Variants in ANXA6 observed in about 807,000 individuals in gnomAD.
The protein encoded by ANXA6 is 67 kDa calelectrin.
A neutral mutation model predicts 95.4 loss-of-function variants in ANXA6; 71 were observed. The observed-to-expected ratio is 0.74, with a 90% CI of 0.61 to 0.91. The LOEUF (loss-of-function observed/expected upper bound fraction) is 0.91. Ranked by LOEUF, ANXA6 falls within the 40% of genes least tolerant of loss-of-function variation. ANXA6 has a pLI of 0.00. For missense variants in ANXA6, 830 were observed against 876.4 expected, an observed-to-expected ratio of 0.95 and a Z score of 0.67; for synonymous variants, 289 against 315.9, an observed-to-expected ratio of 0.91 and a Z score of 0.90.
chr5:151,126,560 A>G (rs866086781), intron 13 of ANXA6, 80 bp from the exon 14 acceptor site: 2 of 968,318 alleles, frequency 2.1e-6, no homozygotes, highest in African/African-American at 3.4e-5. Context: ...ACACACACAC[A>G]CACACACACA....
intron 15 of ANXA6, among the ~76,000 whole-genome samples, chr5:151,124,044 C>T (rs1385057986): frequency 6.6e-6 from 1 of 152,212 alleles, no homozygotes; most frequent in African/African-American, 2.4e-5. Flanking sequence ...CAGGATACTG[C>T]TTCCAGGAGG....
Position 151,101,341 on chromosome 5 carries a change from CA to C in ANXA6, c.*106del. The stretch of plus-strand genomic sequence containing the variant: ...AAGAGCCCAACCCAACCCCTCCCCC[CA>C]CCCCTGCCCCTTCCTTAGTCTCTGG... On this transcript the variant is annotated 3_prime_UTR_variant, in exon 26 of 26. Transcript: ENST00000354546. 2.9e-5 allele frequency: 11 copies of C among 378,746 alleles called. No individual in the cohort carries two copies. The highest frequency in any genetic ancestry group is 1.0e-4 in the Admixed American group (3 of 29,774). 23.5% of individuals were successfully genotyped at this position (378,746 alleles called of 1,614,324 possible). A position where few individuals can be genotyped will look rare whatever the true frequency, so the allele number is the denominator to read the frequency against.
rs147048553 is a variant in ANXA6, at chr5:151,132,575, C to T, written c.641-4G>A. The T allele has an allele frequency of 3.5e-4, 569 of 1,611,224 alleles. 5 individuals are homozygous for T. The East Asian group carries it at 0.011, about 32-fold the overall frequency. On this transcript the variant is annotated splice_region_variant and splice_polypyrimidine_tract_variant and intron_variant, in intron 9 of 25. Coordinates refer to ENST00000354546, the MANE Select transcript of ANXA6 (RefSeq NM_001155.5). ...GTCTTCAGATACTCATCGAACACTG[C>T]GTCAGACAGAGAGACAGGGAGGTTT...
intron 2 of ANXA6, 110 bp from the exon 3 acceptor site, chr5:151,140,353 T>A: frequency 1.1e-6 from 1 of 931,444 alleles, no homozygotes; most frequent in Non-Finnish European, 1.7e-6. Context: ...CTGCTTTCCC[T>A]GCAAAATCCA....
intron 1 of ANXA6, among the ~76,000 whole-genome samples, chr5:151,154,151 C>G (rs1036182451): frequency 6.6e-6 from 1 of 151,918 alleles, no homozygotes; most frequent in African/African-American, 2.4e-5. Context: ...CAAGCAGGGG[C>G]GTGTTTTTCC....
intron 1 of ANXA6, chr5:151,150,867 C>T (rs1561587247): frequency 6.6e-6 from 1 of 152,326 alleles, no homozygotes; most frequent in Non-Finnish European, 1.5e-5. Flanking sequence ...GAATGAGACC[C>T]AGGAAGTTAG....
intron 18 of ANXA6, 41 bp downstream of exon 18, chr5:151,119,259 G>T: frequency 6.5e-7 from 1 of 1,550,144 alleles, no homozygotes; most frequent in Non-Finnish European, 8.9e-7. Flanking sequence ...GGGGGGCCTG[G>T]CTGTTCTCCC....
intron 2 of ANXA6, among the ~76,000 whole-genome samples, chr5:151,144,696 G>A (rs767927698): frequency 3.2e-4 from 48 of 152,068 alleles, no homozygotes; most frequent in Non-Finnish European, 1.5e-4. Flanking sequence ...GGGGAAGGGT[G>A]CTTAATGACC....
At position 151,132,483 on chromosome 5, in the gene ANXA6, C is replaced by T. The variant is rs1227980655; in HGVS notation, c.729G>A (p.Leu243=). 2 of 1,611,716 alleles carry T rather than the reference C, an allele frequency of 1.2e-6. No individual in the cohort carries two copies. Among genetic ancestry groups the T allele is most frequent in the Non-Finnish European group, 1.7e-6 (2 of 1,179,038 alleles). ...TGCAACGTCAGGACATACCTACGGC[C>T]AGCATTAGCTTCTCAAAGTCCCCAG... ...ELSGDFEKLM[L]AVVKCIRSTP... is the part of the protein sequence containing the mutation. The change falls in exon 10 of 26, where the codon CTG becomes CTA. Residue 243 remains leucine (L), a synonymous_variant. Coordinates refer to ENST00000354546, the MANE Select transcript of ANXA6 (RefSeq NM_001155.5).
chr5:151,155,358 T>G (rs990994), intron 1 of ANXA6: 1 of 151,964 alleles, frequency 6.6e-6, no homozygotes, highest in Non-Finnish European at 1.5e-5. Flanking sequence ...ACAGCACTTT[T>G]ATATCTGCCA....
intron 1 of ANXA6, among the ~76,000 whole-genome samples, chr5:151,149,264 G>A (rs1364764630): frequency 6.6e-6 from 1 of 151,818 alleles, no homozygotes; most frequent in African/African-American, 2.4e-5. Flanking sequence ...GAATGCGGGT[G>A]GAGGATATCA....
rs984754943 is a variant in ANXA6, at chr5:151,140,541, A to G, written c.19-298T>C. 3.6e-5 allele frequency: 8 copies of G among 224,974 alleles called. No individual in the cohort carries two copies. The Admixed American group carries it at 4.0e-4, about 11-fold the overall frequency. The allele number at this position is 224,974 out of a possible 1,614,324, so 13.9% of individuals were successfully genotyped here. A position where few individuals can be genotyped will look rare whatever the true frequency, so the allele number is the denominator to read the frequency against. On this transcript the variant is annotated intron_variant, in intron 2 of 25. Coordinates refer to ENST00000354546, the MANE Select transcript of ANXA6 (RefSeq NM_001155.5). Reference sequence around the variant, plus strand: ...GTAAAAAAGCCTGGCTGAGTATAGGAGATGAAAATGATCCCTGCAAGAATA... The same window carrying G: ...GTAAAAAAGCCTGGCTGAGTATAGGGGATGAAAATGATCCCTGCAAGAATA...
At chr5:151,134,073 A>G (rs952557520) in intron 8 of ANXA6, among the ~76,000 whole-genome samples, 1 of 152,198 alleles carries the variant, frequency 6.6e-6, no homozygotes, top group Non-Finnish European at 1.5e-5. Context: ...TGATTAATGT[A>G]TGCCTGTCTC....
chr5:151,122,296 G>C lies in ANXA6; in HGVS notation c.1234-36C>G, dbSNP rs141511775. The stretch of plus-strand genomic sequence containing the variant: ...CAGAGCCACAGTCATGCCAACATCA[G>C]CACTTGCCCACACATGACTCAGGAT... On this transcript the variant is annotated intron_variant, in intron 16 of 25. Coordinates refer to ENST00000354546, the MANE Select transcript of ANXA6 (RefSeq NM_001155.5). 587 of 1,300,358 alleles carry C rather than the reference G, an allele frequency of 4.5e-4. 3 individuals are homozygous for C. In the East Asian group the frequency reaches 0.014, roughly 31 times the overall value. The allele number at this position is 1,300,358 out of a possible 1,614,324, so 80.6% of individuals were successfully genotyped here.
chr5:151,137,389 C>G (rs545713612), intron 5 of ANXA6, 68 bp from the exon 6 acceptor site: 35 of 1,339,772 alleles, frequency 2.6e-5, no homozygotes, highest in Non-Finnish European at 3.3e-5. Context: ...AGGTTGGGAT[C>G]AGGGAGTGGC....
At chr5:151,143,717 G>A (rs9324682) in intron 2 of ANXA6, among the ~76,000 whole-genome samples, 22,794 of 152,040 alleles carry the variant, frequency 0.15, 1,888 homozygotes, top group African/African-American at 0.23. Flanking sequence ...GCTCACTGAC[G>A]CATTTCTAGC....
intron 7 of ANXA6, among the ~76,000 whole-genome samples, chr5:151,134,927 G>A (rs1765615392): frequency 6.6e-6 from 1 of 152,204 alleles, no homozygotes; most frequent in South Asian, 2.1e-4. Context: ...TTAACTTAAA[G>A]AATTCACCAA....
intron 15 of ANXA6, 129 bp downstream of exon 15, chr5:151,124,157 T>G: frequency 2.5e-6 from 2 of 793,182 alleles, no homozygotes; most frequent in Non-Finnish European, 2.1e-6. Flanking sequence ...GGTGGAAACT[T>G]GAGATCAAGC....
At chr5:151,156,872 A>G (rs969680147) in intron 1 of ANXA6, among the ~76,000 whole-genome samples, 14 of 152,190 alleles carry the variant, frequency 9.2e-5, no homozygotes, top group African/African-American at 2.9e-4. Flanking sequence ...TTTCTCAACT[A>G]TGGACTTGGA....
Sources: allele counts gnomAD v4.1 joint callset (sites outside exome capture counted in the v4.1 genomes callset), GRCh38; gene constraint gnomAD v4.1.1; transcripts MANE v1.5; gene names NCBI Gene and HGNC (gene_info 2026-07-23, HGNC 2026-07-21).